Variants in DLGAP2 observed in about 807,000 individuals in gnomAD.
DLGAP2 encodes the protein disks large-associated protein 2.
DLGAP2 carries 26 observed loss-of-function variants against 100.3 expected under a neutral mutation model. The ratio of observed to expected loss-of-function variants is 0.26; its 90% confidence interval spans 0.19 to 0.36. The LOEUF is 0.36. Among genes scored for constraint, DLGAP2 ranks in the 10% least tolerant of loss-of-function variants. The probability of loss-of-function intolerance (pLI) is 1.00; values close to 1 mark genes in which losing one functional copy is unlikely to be tolerated. For missense variants in DLGAP2, 1,858 were observed against 1,453.2 expected, an observed-to-expected ratio of 1.28 and a Z score of -4.53; for synonymous variants, 886 against 630.1, an observed-to-expected ratio of 1.41 and a Z score of -6.08.
chr8:1,185,468 T>C (rs73537277), intron 2 of DLGAP2, among the ~76,000 whole-genome samples: 22,272 of 152,028 alleles, frequency 0.15, 3,576 homozygotes, highest in African/African-American at 0.4. Flanking sequence ...AGTAGGATGC[T>C]GAAATTGACT....
intron 4 of DLGAP2, among the ~76,000 whole-genome samples, chr8:1,510,152 T>C (rs1251306029): frequency 1.3e-5 from 2 of 152,246 alleles, no homozygotes; most frequent in African/African-American, 2.4e-5. Context: ...AAATGGGCAT[T>C]CGAAAAGGAG....
chr8:964,986 A>C (rs534663751), intron 2 of DLGAP2, among the ~76,000 whole-genome samples: 1 of 148,402 alleles, frequency 6.7e-6, no homozygotes. Flanking sequence ...TGCACACGGC[A>C]CTGTTCACCT....
intron 2 of DLGAP2, among the ~76,000 whole-genome samples, chr8:1,052,319 C>T (rs1391914548): frequency 6.6e-6 from 1 of 152,216 alleles, no homozygotes; most frequent in African/African-American, 2.4e-5. Flanking sequence ...ACATGCAAAA[C>T]CATGCCAAAT....
chr8:1,493,763 A>G (rs1001789429), intron 3 of DLGAP2, among the ~76,000 whole-genome samples: 4 of 152,232 alleles, frequency 2.6e-5, no homozygotes, highest in Non-Finnish European at 5.9e-5. Context: ...TGGCTCCTGT[A>G]GAGAAGCTGG....
chr8:1,077,052 G>A (rs914958676), intron 2 of DLGAP2, among the ~76,000 whole-genome samples: 8 of 152,022 alleles, frequency 5.3e-5, no homozygotes, highest in Non-Finnish European at 1.2e-4. Flanking sequence ...AGAGGGTGGA[G>A]GAGTCTGTCC....
At chr8:918,706 C>A (rs1036075442) in intron 2 of DLGAP2, among the ~76,000 whole-genome samples, 8 of 152,128 alleles carry the variant, frequency 5.3e-5, no homozygotes, top group Non-Finnish European at 1.2e-4. Flanking sequence ...AACTTAAGTT[C>A]TTAACTAAGA....
At position 785,221 on chromosome 8, in the gene DLGAP2, C is replaced by CA. The variant is rs55781731; in HGVS notation, c.18+47427dup. 1.5e-3 allele frequency among the ~76,000 whole-genome samples: 92 copies of CA among 60,830 alleles called. 9 individuals are homozygous for CA. Among genetic ancestry groups the CA allele is most frequent in the African/African-American group, 5.9e-3 (72 of 12,102 alleles). The allele number at this position is 60,830 out of a possible 152,430, so 39.9% of individuals were successfully genotyped here. On this transcript the variant is annotated intron_variant, in intron 1 of 14. Coordinates refer to ENST00000637795, the MANE Select transcript of DLGAP2 (RefSeq NM_001346810.2). ...TGGGCGACAGAGCGAGACTCCGCCT[C>CA]AAAAAAAAAAAAAAAAAAAAAAAAA...
chr8:860,847 A>G (rs1404012511), intron 1 of DLGAP2, among the ~76,000 whole-genome samples: 1 of 152,122 alleles, frequency 6.6e-6, no homozygotes, highest in African/African-American at 2.4e-5. Flanking sequence ...ATGCCGTAAT[A>G]TCATACCAAA....
chr8:1,495,248 G>C (rs888141439), intron 3 of DLGAP2, among the ~76,000 whole-genome samples: 1 of 152,168 alleles, frequency 6.6e-6, no homozygotes, highest in Non-Finnish European at 1.5e-5. Context: ...TCCCATTGCA[G>C]GAGAAGCGAC....
intron 2 of DLGAP2, among the ~76,000 whole-genome samples, chr8:918,746 C>G (rs905092830): frequency 6.6e-6 from 1 of 152,040 alleles, no homozygotes; most frequent in Non-Finnish European, 1.5e-5. Flanking sequence ...TCTTTTATAG[C>G]TTTTTAGACA....
intron 2 of DLGAP2, among the ~76,000 whole-genome samples, chr8:1,134,891 C>G (rs985404729): frequency 2.0e-5 from 3 of 152,186 alleles, no homozygotes; most frequent in African/African-American, 7.2e-5. Flanking sequence ...GTGATCCAAT[C>G]CCCTCCCGCC....
intron 3 of DLGAP2, among the ~76,000 whole-genome samples, chr8:1,377,456 A>G (rs1795981547): frequency 6.6e-6 from 1 of 152,222 alleles, no homozygotes; most frequent in Non-Finnish European, 1.5e-5. Context: ...AGACAGGATA[A>G]TGGTGTGAAC....
At chr8:1,617,299 C>G (rs1013763489) in intron 6 of DLGAP2, among the ~76,000 whole-genome samples, 12 of 152,156 alleles carry the variant, frequency 7.9e-5, no homozygotes, top group African/African-American at 2.9e-4. Flanking sequence ...TGAGGATTTG[C>G]CACTCTGCTT....
chr8:1,480,866 AAAAAAAAAAG>A (rs555540494), intron 3 of DLGAP2, among the ~76,000 whole-genome samples: 180 of 134,756 alleles, frequency 1.3e-3, no homozygotes, highest in African/African-American at 5.8e-3. Context: ...AACTCCATAT[AAAAAAAAAAG>A]AAAAGAAAAG....
chr8:973,020 C>G (rs1447247371), intron 2 of DLGAP2, among the ~76,000 whole-genome samples: 1 of 152,270 alleles, frequency 6.6e-6, no homozygotes, highest in Non-Finnish European at 1.5e-5. Flanking sequence ...CTACTTCTTT[C>G]TACACAGACA....
chr8:1,600,010 C>A (rs186002500), intron 6 of DLGAP2, among the ~76,000 whole-genome samples: 11 of 151,998 alleles, frequency 7.2e-5, no homozygotes, highest in African/African-American at 2.7e-4. Context: ...TGGCTGGTAC[C>A]GGTTTTTGCT....
At chr8:1,508,245 G>A (rs921444145) in intron 4 of DLGAP2, among the ~76,000 whole-genome samples, 1 of 139,722 alleles carries the variant, frequency 7.2e-6, no homozygotes, top group Admixed American at 7.5e-5. Context: ...CCTCCTGAAG[G>A]GCGGTGCCTG....
intron 3 of DLGAP2, among the ~76,000 whole-genome samples, chr8:1,357,920 C>G (rs1290179373): frequency 6.6e-6 from 1 of 152,184 alleles, no homozygotes; most frequent in African/African-American, 2.4e-5. Context: ...GCTCCCCACA[C>G]TGTGAGCACC....
intron 12 of DLGAP2, among the ~76,000 whole-genome samples, chr8:1,690,952 G>A (rs192709338): frequency 1.3e-5 from 2 of 152,016 alleles, no homozygotes; most frequent in East Asian, 3.9e-4. Flanking sequence ...ATCTTCCTAC[G>A]TGCTACGACC....
Sources: allele counts gnomAD v4.1 joint callset (sites outside exome capture counted in the v4.1 genomes callset), GRCh38; gene constraint gnomAD v4.1.1; transcripts MANE v1.5; gene names NCBI Gene and HGNC (gene_info 2026-07-23, HGNC 2026-07-21).